SLC16A7: variants seen among roughly 807,000 people sequenced by gnomAD.
SLC16A7 encodes the protein solute carrier family 16 member 7.
In SLC16A7, 33 loss-of-function variants were observed where a neutral mutation model predicts 34.9. The ratio of observed to expected loss-of-function variants is 0.94; its 90% CI spans 0.72 to 1.26. SLC16A7 has a LOEUF of 1.26. SLC16A7 is among the 50% of genes most tolerant of loss of function. The pLI is 0.00. For missense variants in SLC16A7, 573 were observed against 578.1 expected (o/e 0.99, Z 0.09); for synonymous variants, 201 against 206.6 (o/e 0.97, Z 0.23).
chr12:59,705,075 C>T (rs1440753833), intron 3 of SLC16A7, 57 bp downstream of exon 3: 1 of 1,169,438 alleles, frequency 8.6e-7, no homozygotes, highest in South Asian at 1.2e-5. Flanking sequence ...CTCCATGTCA[C>T]AATGTTTTAC....
intron 2 of SLC16A7, among the ~76,000 whole-genome samples, chr12:59,656,635 T>G (rs1014801080): frequency 4.6e-5 from 7 of 152,024 alleles, no homozygotes; most frequent in East Asian, 1.9e-4. Flanking sequence ...TATTTGTGGT[T>G]GTTTGTTACA....
At chr12:59,741,704 A>G (rs994116492) in intron 3 of SLC16A7, among the ~76,000 whole-genome samples, 2 of 152,216 alleles carry the variant, frequency 1.3e-5, no homozygotes, top group African/African-American at 4.8e-5. Context: ...GCCAGCCAGT[A>G]GTTAAAAGCA....
At chr12:59,768,378 G>A (rs1336151591) in intron 3 of SLC16A7, 1 of 304,786 alleles carries the variant, frequency 3.3e-6, no homozygotes, top group Non-Finnish European at 6.6e-6. Context: ...TAGAAGTGGA[G>A]CCTGAAGGTG....
rs922192351 is a variant in SLC16A7, at chr12:59,709,618, G to A, written c.217+4600G>A. Among the ~76,000 whole-genome samples, 4 of 151,634 alleles carry A rather than the reference G, an allele frequency of 2.6e-5. No individual in the cohort carries two copies. The South Asian group carries it at 6.2e-4, about 24-fold the overall frequency. ...AAAGTCATTCCATTCCTGTGTTTGA[G>A]ATAGGTAGAGCTTTCATCTTAGATT... On this transcript the variant is annotated intron_variant, in intron 3 of 5. Coordinates refer to ENST00000547379, the MANE Select transcript of SLC16A7 (RefSeq NM_001270623.2).
At chr12:59,733,361 G>A (rs528444314) in intron 3 of SLC16A7, among the ~76,000 whole-genome samples, 1 of 152,332 alleles carries the variant, frequency 6.6e-6, no homozygotes, top group Admixed American at 6.5e-5. Flanking sequence ...AGCCAGGCAT[G>A]CCGGCTGCAG....
chr12:59,676,430 AT>A (rs112098515), intron 2 of SLC16A7, among the ~76,000 whole-genome samples: 10,842 of 151,226 alleles, frequency 0.072, 435 homozygotes, highest in Middle Eastern at 0.17. Context: ...GTAGCTCCTG[AT>A]TTTTTTTTAA....
chr12:59,687,298 G>A (rs77289925), intron 2 of SLC16A7, among the ~76,000 whole-genome samples: 2,621 of 151,992 alleles, frequency 0.017, 79 homozygotes, highest in African/African-American at 0.06. Context: ...CTGCTATCCT[G>A]CTATTATGGC....
intron 3 of SLC16A7, among the ~76,000 whole-genome samples, chr12:59,706,981 C>T (rs1187473497): frequency 6.6e-6 from 1 of 152,000 alleles, no homozygotes; most frequent in East Asian, 1.9e-4. Flanking sequence ...GTCTTGATGA[C>T]TTAAAACAAT....
At chr12:59,699,244 A>G (rs551203825) in intron 2 of SLC16A7, among the ~76,000 whole-genome samples, 8 of 151,800 alleles carry the variant, frequency 5.3e-5, no homozygotes, top group Middle Eastern at 3.4e-3. Flanking sequence ...CTAAACTTCC[A>G]AATTTTAGAA....
chr12:59,683,705 C>T (rs1483220151), intron 2 of SLC16A7, among the ~76,000 whole-genome samples: 2 of 152,158 alleles, frequency 1.3e-5, no homozygotes, highest in South Asian at 2.1e-4. Flanking sequence ...AATTGGAACA[C>T]ACCTTGAATA....
intron 3 of SLC16A7, chr12:59,768,213 C>G (rs143151350): frequency 2.2e-6 from 1 of 455,488 alleles, no homozygotes. Context: ...GATAACATCA[C>G]GATCATTCAC....
chr12:59,748,972 G>A (rs760365782), intron 3 of SLC16A7, among the ~76,000 whole-genome samples: 4 of 152,144 alleles, frequency 2.6e-5, no homozygotes, highest in Non-Finnish European at 5.9e-5. Context: ...ACGATAACAG[G>A]AGAAGCAGCT....
intron 1 of SLC16A7, among the ~76,000 whole-genome samples, chr12:59,633,766 G>T (rs1328233966): frequency 6.6e-6 from 1 of 151,994 alleles, no homozygotes; most frequent in Non-Finnish European, 1.5e-5. Flanking sequence ...CAACAGGAGA[G>T]AGAGTCAGGG....
intron 1 of SLC16A7, among the ~76,000 whole-genome samples, chr12:59,611,979 G>C (rs1038904612): frequency 6.6e-6 from 1 of 152,216 alleles, no homozygotes; most frequent in Non-Finnish European, 1.5e-5. Context: ...AGTGTCTGCA[G>C]CTTTTCCAGG....
At chr12:59,633,044 A>C (rs1880254558) in intron 1 of SLC16A7, among the ~76,000 whole-genome samples, 1 of 151,996 alleles carries the variant, frequency 6.6e-6, no homozygotes, top group Non-Finnish European at 1.5e-5. Context: ...TTGAAGAATA[A>C]TAATTCTGAT....
At chr12:59,606,360 T>A (rs1055561111) in intron 1 of SLC16A7, among the ~76,000 whole-genome samples, 1 of 152,196 alleles carries the variant, frequency 6.6e-6, no homozygotes, top group African/African-American at 2.4e-5. Flanking sequence ...TTAGATGTGA[T>A]AGCGCACATA....
intron 2 of SLC16A7, among the ~76,000 whole-genome samples, chr12:59,662,647 C>T (rs1417416937): frequency 1.3e-5 from 2 of 152,160 alleles, no homozygotes; most frequent in East Asian, 3.9e-4. Context: ...TCTCACATCT[C>T]ACAGAACTTA....
chr12:59,726,599 T>A (rs1773670895), intron 3 of SLC16A7, among the ~76,000 whole-genome samples: 1 of 152,182 alleles, frequency 6.6e-6, no homozygotes. Flanking sequence ...TAGATTATAA[T>A]GATTGTGTTA....
chr12:59,744,341 C>T (rs528864877), intron 3 of SLC16A7, among the ~76,000 whole-genome samples: 205 of 152,128 alleles, frequency 1.3e-3, no homozygotes, highest in African/African-American at 4.6e-3. Flanking sequence ...TATGGTTGGA[C>T]GTCAGAGAGA....
Sources: allele counts gnomAD v4.1 joint callset (sites outside exome capture counted in the v4.1 genomes callset), GRCh38; gene constraint gnomAD v4.1.1; transcripts MANE v1.5; gene names NCBI Gene and HGNC (gene_info 2026-07-23, HGNC 2026-07-21).